The following PDIA5 variants were observed in gnomAD, a reference collection of about 807,000 sequenced individuals.
PDIA5 encodes protein disulfide-isomerase A5.
PDIA5 carries 58 observed loss-of-function variants against 77.6 expected under a neutral mutation model. The ratio of observed to expected loss-of-function variants is 0.75; its 90% CI spans 0.61 to 0.93. The LOEUF (loss-of-function observed/expected upper bound fraction) is 0.93, where lower values mean the gene tolerates loss of function less well. PDIA5 is among the 40% of genes least tolerant of loss of function. The pLI is 0.00. For missense variants in PDIA5, 630 were observed against 647.7 expected (o/e 0.97, Z 0.30); for synonymous variants, 250 against 252.1 (o/e 0.99, Z 0.08).
chr3:123,111,407 C>T (rs1389055064), intron 7 of PDIA5, among the ~76,000 whole-genome samples: 1 of 152,262 alleles, frequency 6.6e-6, no homozygotes, highest in Non-Finnish European at 1.5e-5. Context: ...GGGGCAACAG[C>T]TTGCCTAGCT....
rs571923178 is a variant in PDIA5 at position 123,090,059 on chromosome 3, G to T, written c.169+765G>T. On this transcript the variant is annotated intron_variant, in intron 2 of 16. Transcript: ENST00000316218. ...AGAAGCAGCAGCCAGTGGCTGGCCA[G>T]TTCCGGGCAAAGTTTTCCCCGGCAG... Among the ~76,000 whole-genome samples, 3 of 152,386 alleles carry T rather than the reference G, an allele frequency of 2.0e-5. No homozygotes were observed. The East Asian group carries it at 5.8e-4, about 29-fold the overall frequency.
chr3:123,098,117 G>GCAGC (rs1290028135), intron 3 of PDIA5, among the ~76,000 whole-genome samples: 2 of 152,148 alleles, frequency 1.3e-5, no homozygotes, highest in Non-Finnish European at 2.9e-5. Flanking sequence ...AGGATATAAG[G>GCAGC]CAGCCTGTCT....
rs1934221638 is a variant in PDIA5 at position 123,089,213 on chromosome 3, A to G, written c.88A>G (p.Ile30Val). The G allele has an allele frequency of 6.2e-7, 1 of 1,614,016 alleles. No homozygotes were observed. Among genetic ancestry groups the G allele is most frequent in the East Asian group, 2.2e-5 (1 of 44,888 alleles). The change falls in exon 2 of 17, where the codon ATT becomes GTT. Residue 30 changes from isoleucine to valine, a missense_variant. Transcript: ENST00000316218. ...GTCCTCTGCAAAGGTCTCCTCGCTCATTGAGAGAATCTCTGACCCCAAGGA... is the reference window on the plus strand; with the variant it reads ...GTCCTCTGCAAAGGTCTCCTCGCTCGTTGAGAGAATCTCTGACCCCAAGGA... ...WLSSAKVSSL[I>V]ERISDPKDLK... is the part of the protein sequence containing the mutation.
intron 3 of PDIA5, among the ~76,000 whole-genome samples, chr3:123,102,199 C>G (rs1286016588): frequency 1.3e-5 from 2 of 152,194 alleles, no homozygotes; most frequent in African/African-American, 4.8e-5. Flanking sequence ...CGTGAGCCCC[C>G]ACGCCCAGCC....
chr3:123,115,375 G>C (rs756664424), intron 7 of PDIA5, among the ~76,000 whole-genome samples: 17 of 152,164 alleles, frequency 1.1e-4, no homozygotes, highest in Non-Finnish European at 2.1e-4. Context: ...GGCCTTCCTG[G>C]TCGCTTGAGT....
At chr3:123,149,879 A>G (rs935671375) in intron 13 of PDIA5, among the ~76,000 whole-genome samples, 23 of 152,124 alleles carry the variant, frequency 1.5e-4, no homozygotes, top group African/African-American at 5.1e-4. Flanking sequence ...GTAGGGTCCT[A>G]GAGGGGGCAG....
chr3:123,079,745 C>T (rs1185262998), intron 1 of PDIA5, among the ~76,000 whole-genome samples: 4 of 152,180 alleles, frequency 2.6e-5, no homozygotes, highest in African/African-American at 7.2e-5. Context: ...ATTGTGCCAG[C>T]TACCTTTCCA....
At chr3:123,071,756 G>T (rs555662494) in intron 1 of PDIA5, among the ~76,000 whole-genome samples, 4 of 152,154 alleles carry the variant, frequency 2.6e-5, no homozygotes, top group Non-Finnish European at 5.9e-5. Context: ...GCCTCACAAG[G>T]AGGGCAGACT....
chr3:123,079,731 A>C (rs1295333625), intron 1 of PDIA5, among the ~76,000 whole-genome samples: 1 of 152,198 alleles, frequency 6.6e-6, no homozygotes, highest in Admixed American at 6.5e-5. Flanking sequence ...GAGATACATG[A>C]TAAATTGTGC....
intron 3 of PDIA5, among the ~76,000 whole-genome samples, chr3:123,092,896 A>G (rs1934335875): frequency 6.6e-6 from 1 of 152,154 alleles, no homozygotes; most frequent in Non-Finnish European, 1.5e-5. Context: ...GCTGCCCACC[A>G]TGCAAAGGTA....
At chr3:123,126,824 C>G (rs920900) in intron 10 of PDIA5, among the ~76,000 whole-genome samples, 79,303 of 152,138 alleles carry the variant, frequency 0.52, 21,547 homozygotes, top group Non-Finnish European at 0.59. Flanking sequence ...ATGCGTGACT[C>G]TGGTGGTTGG....
intron 6 of PDIA5, among the ~76,000 whole-genome samples, chr3:123,108,175 T>C (rs917401511): frequency 6.6e-6 from 1 of 152,184 alleles, no homozygotes; most frequent in Non-Finnish European, 1.5e-5. Context: ...AGGTAAAATA[T>C]GTCATCATTG....
chr3:123,097,453 C>G (rs1353612120), intron 3 of PDIA5, among the ~76,000 whole-genome samples: 3 of 152,154 alleles, frequency 2.0e-5, no homozygotes, highest in Admixed American at 2.0e-4. Flanking sequence ...GATGTACCTT[C>G]TTGAGGCACG....
chr3:123,148,916 G>T (rs1242221228), intron 13 of PDIA5, among the ~76,000 whole-genome samples: 1 of 152,258 alleles, frequency 6.6e-6, no homozygotes, highest in African/African-American at 2.4e-5. Context: ...GCCAGAAAAG[G>T]TGGATGGCAT....
At chr3:123,150,174 C>T in intron 13 of PDIA5, 60 bp from the exon 14 acceptor site, 1 of 1,373,936 alleles carries the variant, frequency 7.3e-7, no homozygotes, top group South Asian at 1.3e-5. Context: ...GGGTGGATTT[C>T]CTTGCCCATC....
At chr3:123,151,192 C>G (rs1935884910) in intron 14 of PDIA5, among the ~76,000 whole-genome samples, 1 of 152,198 alleles carries the variant, frequency 6.6e-6, no homozygotes. Flanking sequence ...ACAGCCTCAG[C>G]CCCTCCTTGA....
intron 1 of PDIA5, among the ~76,000 whole-genome samples, chr3:123,074,410 G>T (rs1464496509): frequency 6.6e-6 from 1 of 152,186 alleles, no homozygotes; most frequent in African/African-American, 2.4e-5. Context: ...GAACCTCTGG[G>T]TCTTTCTTAG....
chr3:123,110,995 T>C lies in PDIA5; in HGVS notation c.532T>C (p.Tyr178His). 1 of 1,613,670 alleles carries C rather than the reference T, an allele frequency of 6.2e-7. No individual in the cohort carries two copies. The change falls in exon 7 of 17, where the codon TAT becomes CAT. Residue 178 changes from tyrosine to histidine, a missense_variant. Transcript: ENST00000316218. ...KEEKPLLIMF[Y>H]APWCSMCKRM... ...AGAGAAGCCGCTCCTGATCATGTTT[T>C]ATGCCCCCTGTGAGTGAACTTTCTC... is the stretch of plus-strand genomic sequence containing the variant.
At position 123,150,256 on chromosome 3, in the gene PDIA5, G is replaced by A. The variant is rs1011923138; in HGVS notation, c.1165G>A (p.Glu389Lys). Residue 389 changes from glutamate (E) to lysine (K), a missense_variant, in exon 14 of 17, where the codon GAG (glutamate) becomes AAG (lysine). Coordinates refer to ENST00000316218, the MANE Select transcript of PDIA5 (RefSeq NM_006810.4). ...CAGCCCTGAGGCCCCCCCGCCCCCA[G>A]AGCCCACGTGGGAAGAGCAGCAGAC... ...MQNPEAPPPP[E>K]PTWEEQQTSV... is the part of the protein sequence containing the mutation. 1.2e-6 allele frequency: 2 copies of A among 1,612,384 alleles called. No individual in the cohort carries two copies. Among genetic ancestry groups the A allele is most frequent in the Non-Finnish European group, 1.7e-6 (2 of 1,179,044 alleles).
Sources: gnomAD v4.1 joint callset for allele counts (sites outside exome capture counted in the v4.1 genomes callset) on GRCh38, gnomAD v4.1.1 for gene constraint, MANE v1.5 for transcripts, NCBI Gene and HGNC (gene_info 2026-07-23, HGNC 2026-07-21) for gene names.